Variants in PTK2 observed in about 807,000 individuals in gnomAD.
PTK2 encodes protein tyrosine kinase 2, also known as focal adhesion kinase 1.
A neutral mutation model predicts 150.1 loss-of-function variants in PTK2; 45 were observed. The ratio of observed to expected loss-of-function variants is 0.30; its 90% CI spans 0.24 to 0.38. The LOEUF (loss-of-function observed/expected upper bound fraction) is 0.38. PTK2 is among the 10% of genes least tolerant of loss of function. PTK2 has a pLI of 1.00. For synonymous variants in PTK2, 432 were observed against 449.2 expected (o/e 0.96, Z 0.48); for missense variants, 919 against 1,307.3 (o/e 0.70, Z 4.58).
intron 5 of PTK2, among the ~76,000 whole-genome samples, chr8:140,860,071 G>A (rs923673693): frequency 6.6e-6 from 1 of 151,978 alleles, no homozygotes; most frequent in African/African-American, 2.4e-5. Context: ...AAATTATACA[G>A]GTTTTATACA....
intron 24 of PTK2, 66 bp from the exon 28 acceptor site, chr8:140,702,773 C>T (rs941298183): frequency 6.6e-7 from 1 of 1,506,836 alleles, no homozygotes. Flanking sequence ...GCTTCACACA[C>T]AAAGGAAACT....
At chr8:140,813,015 C>T (rs1254508487) in intron 10 of PTK2, among the ~76,000 whole-genome samples, 1 of 152,148 alleles carries the variant, frequency 6.6e-6, no homozygotes, top group Non-Finnish European at 1.5e-5. Context: ...TTGAATTCAA[C>T]ATTGGATCAA....
Position 140,971,277 on chromosome 8 carries a change from A to T in PTK2, c.-122+29848T>A, listed in dbSNP as rs186127703. On this transcript the variant is annotated intron_variant, in intron 1 of 31. Transcript: ENST00000522684. ...AATTTACAAAAATTATGAAAGTATT[A>T]TGGTTATTCATCAGCAAGTACTATG... is the stretch of plus-strand genomic sequence containing the variant. Among the ~76,000 whole-genome samples, 78 of 152,374 alleles carry T rather than the reference A, an allele frequency of 5.1e-4. No homozygotes were observed. In the East Asian group the frequency reaches 0.013, roughly 26 times the overall value.
intron 16 of PTK2, among the ~76,000 whole-genome samples, chr8:140,755,461 C>T (rs749125376): frequency 6.6e-5 from 10 of 152,162 alleles, no homozygotes; most frequent in Non-Finnish European, 1.5e-4. Context: ...GTGTACTGTC[C>T]TGCCCCGCCT....
At chr8:140,750,622 A>G (rs1301861425) in intron 17 of PTK2, among the ~76,000 whole-genome samples, 1 of 152,216 alleles carries the variant, frequency 6.6e-6, no homozygotes, top group Non-Finnish European at 1.5e-5. Flanking sequence ...GAAAGGAGGA[A>G]GAGGAACATC....
intron 8 of PTK2, among the ~76,000 whole-genome samples, chr8:140,829,000 G>A (rs1318004252): frequency 6.6e-6 from 1 of 152,202 alleles, no homozygotes; most frequent in Non-Finnish European, 1.5e-5. Flanking sequence ...CTGGGACAGT[G>A]TCTCGATCTG....
At chr8:140,679,003 GTTTTTTTTTTTTTTTTTTTTTTT>G (rs533089786) in intron 27 of PTK2, among the ~76,000 whole-genome samples, 30 of 69,008 alleles carry the variant, frequency 4.3e-4, no homozygotes, top group East Asian at 2.8e-3. Flanking sequence ...TGCTCCCCAT[GTTTTTTTTTTTTTTTTTTTTTTT>G]TTTTTTTTTT....
At chr8:140,769,483 G>T in intron 14 of PTK2, 92 bp downstream of exon 16, 1 of 868,914 alleles carries the variant, frequency 1.2e-6, no homozygotes, top group Non-Finnish European at 1.6e-6. Flanking sequence ...TGGATCAAAA[G>T]CACATTTTGC....
At chr8:140,681,529 T>C (rs2100016891) in intron 27 of PTK2, among the ~76,000 whole-genome samples, 1 of 151,390 alleles carries the variant, frequency 6.6e-6, no homozygotes, top group Non-Finnish European at 1.5e-5. Context: ...CCCAGCACTT[T>C]GGGAGGCGGA....
intron 1 of PTK2, among the ~76,000 whole-genome samples, chr8:140,988,728 C>CAAAAAAAAA (rs71310814): frequency 1.4e-5 from 1 of 69,968 alleles, no homozygotes; most frequent in African/African-American, 5.5e-5. Context: ...GACTCCATCC[C>CAAAAAAAAA]AAAAAAAAAA....
chr8:140,774,586 T>G (rs567316820), intron 14 of PTK2, among the ~76,000 whole-genome samples: 1 of 152,128 alleles, frequency 6.6e-6, no homozygotes, highest in East Asian at 1.9e-4. Context: ...CTCGGTAAAA[T>G]AAGACTGAGA....
chr8:140,707,795 C>G (rs1402959956), intron 23 of PTK2, among the ~76,000 whole-genome samples: 1 of 152,190 alleles, frequency 6.6e-6, no homozygotes, highest in Non-Finnish European at 1.5e-5. Context: ...AAATGGGATA[C>G]TGAATATTCT....
At chr8:140,859,393 C>A (rs566272144) in intron 5 of PTK2, among the ~76,000 whole-genome samples, 22 of 152,230 alleles carry the variant, frequency 1.4e-4, no homozygotes, top group African/African-American at 4.3e-4. Flanking sequence ...TCAATTATCA[C>A]ACCTTATAAA....
chr8:140,933,870 C>A (rs948552663), intron 1 of PTK2, among the ~76,000 whole-genome samples: 3 of 151,606 alleles, frequency 2.0e-5, no homozygotes, highest in Non-Finnish European at 4.4e-5. Context: ...AAAAAAGACA[C>A]AAAGCCTCTA....
chr8:140,666,228 C>T (rs959495382), intron 30 of PTK2, among the ~76,000 whole-genome samples: 1 of 152,104 alleles, frequency 6.6e-6, no homozygotes, highest in Admixed American at 6.5e-5. Flanking sequence ...GTCCCAGCTA[C>T]TCGGGAAGCT....
At chr8:140,979,044 T>C (rs9657438) in intron 1 of PTK2, among the ~76,000 whole-genome samples, 80,456 of 148,484 alleles carry the variant, frequency 0.54, 22,702 homozygotes, top group African/African-American at 0.68. Context: ...CTCACTCATA[T>C]GTGGGAATTG....
chr8:140,803,732 C>G, intron 10 of PTK2, 82 bp from the exon 11 acceptor site: 1 of 1,297,042 alleles, frequency 7.7e-7, no homozygotes, highest in Non-Finnish European at 1.1e-6. Flanking sequence ...GTGAAATCCT[C>G]GTTGTCCTGA....
intron 1 of PTK2, among the ~76,000 whole-genome samples, chr8:140,960,463 G>A (rs908665773): frequency 6.6e-6 from 1 of 151,948 alleles, no homozygotes; most frequent in African/African-American, 2.4e-5. Flanking sequence ...GCCCACCTCG[G>A]CCTCCCAGTG....
intron 14 of PTK2, among the ~76,000 whole-genome samples, chr8:140,788,413 T>C (rs2100086264): frequency 6.6e-6 from 1 of 152,120 alleles, no homozygotes; most frequent in African/African-American, 2.4e-5. Flanking sequence ...CCAGGCCCAG[T>C]GGCTCACGCC....
Sources: gnomAD v4.1 joint callset for allele counts (sites outside exome capture counted in the v4.1 genomes callset) on GRCh38, gnomAD v4.1.1 for gene constraint, MANE v1.5 for transcripts, NCBI Gene and HGNC (gene_info 2026-07-23, HGNC 2026-07-21) for gene names.